PTPRN2: variants seen among roughly 807,000 people sequenced by gnomAD.
The protein encoded by PTPRN2 is protein tyrosine phosphatase receptor type N2.
Under a neutral mutation model 118.8 loss-of-function variants are expected in PTPRN2, and 74 were observed. The ratio of observed to expected loss-of-function variants is 0.62; its 90% CI spans 0.52 to 0.76. The LOEUF is 0.76. Ranked by LOEUF, PTPRN2 falls within the 30% of genes least tolerant of loss-of-function variation. PTPRN2 has a pLI of 0.00. For synonymous variants in PTPRN2, 641 were observed against 608.0 expected (o/e 1.05, Z -0.80); for missense variants, 1,481 against 1,394.4 (o/e 1.06, Z -0.99).
chr7:157,942,638 G>C (rs1271391363), intron 11 of PTPRN2, among the ~76,000 whole-genome samples: 1 of 152,082 alleles, frequency 6.6e-6, no homozygotes, highest in Admixed American at 6.6e-5. Context: ...GCGTTCACCT[G>C]TACATCGCAA....
chr7:158,369,310 T>C (rs1809782114), intron 2 of PTPRN2, among the ~76,000 whole-genome samples: 2 of 151,730 alleles, frequency 1.3e-5, no homozygotes, highest in South Asian at 4.2e-4. Flanking sequence ...CCTATAAAGT[T>C]ATATACATAC....
intron 6 of PTPRN2, among the ~76,000 whole-genome samples, chr7:158,163,027 G>C (rs1822508705): frequency 6.6e-6 from 1 of 152,150 alleles, no homozygotes; most frequent in African/African-American, 2.4e-5. Flanking sequence ...TGTGTGTTGA[G>C]AATGTCTGTC....
At position 158,321,957 on chromosome 7, in the gene PTPRN2, C is replaced by T. The variant is rs578259562; in HGVS notation, c.164-5025G>A. On this transcript the variant is annotated intron_variant, in intron 2 of 22. Transcript: ENST00000389418. ...ACCCTTCCGGCAAACAGACACTGCC[C>T]GTGCCTCTGCGCGGAAGCCTAACCC... 4.2e-4 allele frequency among the ~76,000 whole-genome samples: 64 copies of T among 152,308 alleles called. 2 individuals carry two copies. In the South Asian group the frequency reaches 0.01, roughly 24 times the overall value.
chr7:157,630,184 G>A (rs1803854790), intron 14 of PTPRN2, among the ~76,000 whole-genome samples: 1 of 152,190 alleles, frequency 6.6e-6, no homozygotes, highest in Non-Finnish European at 1.5e-5. Flanking sequence ...AACCCTTGAT[G>A]AGAAGGTATT....
In PTPRN2 at chr7:158,479,418, C is replaced by T. The variant is rs554193500; in HGVS notation, c.163+10317G>A. On this transcript the variant is annotated intron_variant, in intron 2 of 22. Transcript: ENST00000389418. The stretch of plus-strand genomic sequence containing the variant: ...TGAAGTCTGGAGGAAGCAGAGTGAA[C>T]GCTTCCGTTGGATGAGCTCAGAACT... 1.8e-4 allele frequency among the ~76,000 whole-genome samples: 28 copies of T among 152,260 alleles called. No homozygotes were observed. The South Asian group carries it at 5.8e-3, about 32-fold the overall frequency.
At chr7:158,126,717 G>A (rs115601930) in intron 9 of PTPRN2, among the ~76,000 whole-genome samples, 1 of 145,984 alleles carries the variant, frequency 6.9e-6, no homozygotes, top group Admixed American at 6.7e-5. Flanking sequence ...CCCGGAGAGC[G>A]GGCAGTGGTT....
rs764093054 is a variant in PTPRN2 at position 158,527,258 on chromosome 7, C to T, written c.113-37473G>A. On this transcript the variant is annotated intron_variant, in intron 1 of 22. Transcript: ENST00000389418. The stretch of plus-strand genomic sequence containing the variant: ...CTTCTCCACCAGCTCCCCAGGCCTC[C>T]TCCCCACAAGGCGCGTCCTGGGCCT... 7.9e-5 allele frequency among the ~76,000 whole-genome samples: 12 copies of T among 152,194 alleles called. No individual in the cohort carries two copies. In the South Asian group the frequency reaches 1.5e-3, roughly 18 times the overall value.
intron 3 of PTPRN2, among the ~76,000 whole-genome samples, chr7:158,264,383 T>C (rs1797738266): frequency 6.6e-6 from 1 of 152,202 alleles, no homozygotes; most frequent in African/African-American, 2.4e-5. Context: ...GGCAGTTTGC[T>C]GAGCTCTTCC....
At chr7:158,282,073 G>C (rs1407693930) in intron 3 of PTPRN2, among the ~76,000 whole-genome samples, 1 of 152,080 alleles carries the variant, frequency 6.6e-6, no homozygotes, top group Non-Finnish European at 1.5e-5. Context: ...GGACAGTCAG[G>C]CCTCAGGATC....
intron 1 of PTPRN2, among the ~76,000 whole-genome samples, chr7:158,531,236 G>A (rs567110131): frequency 3.3e-5 from 5 of 152,260 alleles, no homozygotes; most frequent in Admixed American, 1.3e-4. Flanking sequence ...CTCAGGTAAC[G>A]GCTTCCCAGC....
chr7:158,407,515 C>G (rs71544593), intron 2 of PTPRN2, among the ~76,000 whole-genome samples: 238 of 8,082 alleles, frequency 0.029, 38 homozygotes, highest in Admixed American at 0.035. Flanking sequence ...CTGGGTCCTG[C>G]GTCCTGCGTC....
intron 22 of PTPRN2, among the ~76,000 whole-genome samples, chr7:157,545,560 G>A (rs1393559530): frequency 3.3e-5 from 5 of 152,076 alleles, no homozygotes; most frequent in Admixed American, 2.6e-4. Context: ...CTCGTGTGGT[G>A]TCAAAGCCCG....
chr7:158,091,550 G>T (rs1563422671), intron 10 of PTPRN2, among the ~76,000 whole-genome samples: 1 of 152,032 alleles, frequency 6.6e-6, no homozygotes, highest in Non-Finnish European at 1.5e-5. Context: ...GATTTGGAGT[G>T]AAGCCCATAA....
At chr7:158,008,127 G>A (rs867068471) in intron 11 of PTPRN2, among the ~76,000 whole-genome samples, 2 of 127,980 alleles carry the variant, frequency 1.6e-5, no homozygotes, top group Non-Finnish European at 1.7e-5. Context: ...GTGTGGGTGT[G>A]TACATGTACA....
At position 157,929,700 on chromosome 7, in the gene PTPRN2, C is replaced by CTCTGACCAGCAGTAT. The variant is rs143433814; in HGVS notation, c.1724-30964_1724-30963insATACTGCTGGTCAGA. On this transcript the variant is annotated intron_variant, in intron 11 of 22. Coordinates refer to ENST00000389418, the MANE Select transcript of PTPRN2 (RefSeq NM_002847.5). The surrounding 1 kb of genome is among the most constrained non-coding windows in gnomAD (Gnocchi z 4.4). ...TCTCTACTGTAAGACTTCCCTGTCC[C>CTCTGACCAGCAGTAT]TCGGGTGGGGGCGGCATCCTCACAG... 0.31 allele frequency among the ~76,000 whole-genome samples: 46,979 copies of CTCTGACCAGCAGTAT among 151,866 alleles called. 8,987 individuals carry two copies. Among genetic ancestry groups the CTCTGACCAGCAGTAT allele is most frequent in the African/African-American group, 0.52 (21,461 of 41,382 alleles).
At chr7:158,453,065 G>A (rs149022752) in intron 2 of PTPRN2, among the ~76,000 whole-genome samples, 113 of 151,362 alleles carry the variant, frequency 7.5e-4, no homozygotes, top group African/African-American at 2.6e-3. Flanking sequence ...CAGCCTGGAC[G>A]TAGGGGAATT....
rs1213075370 is a variant in PTPRN2 at position 157,717,386 on chromosome 7, A to G, written c.1789-34449T>C. On this transcript the variant is annotated intron_variant, in intron 12 of 22. Coordinates refer to ENST00000389418, the MANE Select transcript of PTPRN2 (RefSeq NM_002847.5). Reference sequence around the variant, plus strand: ...CCTGCAAACATCAGCTTGGACACTCAGCACCTGCATGGGACATGCATCGCC... The same window carrying G: ...CCTGCAAACATCAGCTTGGACACTCGGCACCTGCATGGGACATGCATCGCC... Among the ~76,000 whole-genome samples, 6 of 152,246 alleles carry G rather than the reference A, an allele frequency of 3.9e-5. No homozygotes were observed. In the East Asian group the frequency reaches 1.2e-3, roughly 29 times the overall value.
At chr7:158,423,010 A>C (rs185856810) in intron 2 of PTPRN2, among the ~76,000 whole-genome samples, 1 of 152,360 alleles carries the variant, frequency 6.6e-6, no homozygotes, top group East Asian at 1.9e-4. Context: ...AGTTTCCCAG[A>C]TAGGAACCAT....
At chr7:157,558,035 G>A (rs1190306680) in intron 21 of PTPRN2, among the ~76,000 whole-genome samples, 6 of 104,776 alleles carry the variant, frequency 5.7e-5, no homozygotes, top group Non-Finnish European at 1.1e-4. Flanking sequence ...GCATCAACGC[G>A]GAGACACCGG....
Sources: allele counts gnomAD v4.1 joint callset (sites outside exome capture counted in the v4.1 genomes callset), GRCh38; gene constraint gnomAD v4.1.1; non-coding constraint Gnocchi (gnomAD v3.1); transcripts MANE v1.5; gene names NCBI Gene and HGNC (gene_info 2026-07-23, HGNC 2026-07-21).